CSTF3: variants seen among roughly 807,000 people sequenced by gnomAD.
CSTF3 encodes the protein CF-1 77 kDa subunit.
A neutral mutation model predicts 105.8 loss-of-function variants in CSTF3; 29 were observed. The observed-to-expected ratio is 0.27, with a 90% CI of 0.20 to 0.37. CSTF3 has a LOEUF of 0.37. Among genes scored for constraint, CSTF3 ranks in the 10% least tolerant of loss-of-function variants. CSTF3 has a pLI of 1.00. For missense variants in CSTF3, 357 were observed against 879.3 expected (o/e 0.41, Z 7.51); for synonymous variants, 252 against 281.9 (o/e 0.89, Z 1.06).
chr11:33,120,879 C>T (rs947726953), intron 3 of CSTF3, among the ~76,000 whole-genome samples: 1 of 151,826 alleles, frequency 6.6e-6, no homozygotes, highest in Non-Finnish European at 1.5e-5. Context: ...TCCTATAATC[C>T]TTGTTAAAAT....
intron 18 of CSTF3, among the ~76,000 whole-genome samples, chr11:33,086,344 T>C (rs1044372240): frequency 1.3e-5 from 2 of 152,222 alleles, no homozygotes; most frequent in African/African-American, 2.4e-5. Context: ...AAAAAGAATC[T>C]AGAGAGGCTA....
intron 15 of CSTF3, 60 bp downstream of exon 15, chr11:33,096,246 C>T: frequency 8.7e-7 from 1 of 1,155,864 alleles, no homozygotes; most frequent in Non-Finnish European, 1.2e-6. Flanking sequence ...AGAAATCTAG[C>T]AACATAATTC....
intron 1 of CSTF3, among the ~76,000 whole-genome samples, chr11:33,146,097 G>C (rs1020151714): frequency 6.6e-6 from 1 of 151,944 alleles, no homozygotes; most frequent in Non-Finnish European, 1.5e-5. Context: ...AATTAGCTGG[G>C]AGTGGTGGTG....
At chr11:33,124,847 A>T (rs1855527709) in intron 3 of CSTF3, among the ~76,000 whole-genome samples, 1 of 152,168 alleles carries the variant, frequency 6.6e-6, no homozygotes, top group Non-Finnish European at 1.5e-5. Context: ...AGTCAATTCC[A>T]CTGTCTTCTA....
At chr11:33,092,219 G>C in intron 16 of CSTF3, 52 bp downstream of exon 16, 1 of 1,290,038 alleles carries the variant, frequency 7.8e-7, no homozygotes, top group African/African-American at 1.5e-5. Flanking sequence ...CCACAATTCA[G>C]GTAAGAAAGC....
At chr11:33,142,943 T>C (rs1273910522) in intron 1 of CSTF3, among the ~76,000 whole-genome samples, 1 of 152,146 alleles carries the variant, frequency 6.6e-6, no homozygotes, top group Admixed American at 6.5e-5. Flanking sequence ...GGGCAAATAA[T>C]GTCTTAGATT....
intron 5 of CSTF3, 128 bp from the exon 6 acceptor site, chr11:33,106,192 T>C (rs1388002657): frequency 3.1e-6 from 2 of 652,576 alleles, no homozygotes; most frequent in African/African-American, 3.7e-5. Context: ...GAAGGATCAC[T>C]TGAGACCAGG....
intron 18 of CSTF3, among the ~76,000 whole-genome samples, chr11:33,086,623 A>AGAC (rs1491577756): frequency 6.6e-6 from 1 of 152,136 alleles, no homozygotes; most frequent in East Asian, 1.9e-4. Context: ...TTTTTAATAA[A>AGAC]GACAAAGTTT....
In CSTF3 at chr11:33,105,873, A is replaced by G. The variant is rs1242887844; in HGVS notation, c.458+10T>C. 1.3e-6 allele frequency: 2 copies of G among 1,558,850 alleles called. No homozygotes were observed. The highest frequency in any genetic ancestry group is 1.7e-6 in the Non-Finnish European group (2 of 1,151,192). On this transcript the variant is annotated intron_variant, in intron 7 of 20. Transcript: ENST00000323959. ...CTGTAGATGTAAAAAAAAACTATAC[A>G]AATACTTACACGCCTTTTAGGAAAT...
At chr11:33,160,202 G>C (rs1241190528) in intron 1 of CSTF3, among the ~76,000 whole-genome samples, 1 of 151,950 alleles carries the variant, frequency 6.6e-6, no homozygotes, top group Non-Finnish European at 1.5e-5. Flanking sequence ...ATAGTGCGAA[G>C]ATTTCTGGAC....
At chr11:33,148,319 A>G (rs1297758176) in intron 1 of CSTF3, among the ~76,000 whole-genome samples, 1 of 152,200 alleles carries the variant, frequency 6.6e-6, no homozygotes, top group Admixed American at 6.5e-5. Flanking sequence ...TCAATCAACT[A>G]AACCTGAATC....
chr11:33,143,978 T>A (rs1308761568), intron 1 of CSTF3, among the ~76,000 whole-genome samples: 1 of 152,024 alleles, frequency 6.6e-6, no homozygotes, highest in Non-Finnish European at 1.5e-5. Flanking sequence ...TGACAGAGAC[T>A]ACGTCTCAAA....
intron 3 of CSTF3, among the ~76,000 whole-genome samples, chr11:33,131,095 T>G (rs1490120414): frequency 6.6e-6 from 1 of 152,242 alleles, no homozygotes; most frequent in South Asian, 2.1e-4. Flanking sequence ...GATTTGCCCC[T>G]TTTGTGTACA....
At chr11:33,143,626 T>C (rs999930991) in intron 1 of CSTF3, among the ~76,000 whole-genome samples, 1 of 152,128 alleles carries the variant, frequency 6.6e-6, no homozygotes. Flanking sequence ...GGTGTGTGCC[T>C]GTAATCCCTG....
chr11:33,110,133 C>G (rs1855365179), intron 3 of CSTF3, among the ~76,000 whole-genome samples: 1 of 152,186 alleles, frequency 6.6e-6, no homozygotes, highest in Non-Finnish European at 1.5e-5. Context: ...ATATTCCTTT[C>G]TGGTTGGTGG....
intron 3 of CSTF3, among the ~76,000 whole-genome samples, chr11:33,138,088 T>C (rs757886266): frequency 1.3e-5 from 2 of 151,842 alleles, no homozygotes; most frequent in African/African-American, 2.4e-5. Flanking sequence ...AGAATTCATC[T>C]TTTGTAAAAA....
rs370620754 is a variant in CSTF3 at position 33,129,022 on chromosome 11, G to A, written c.225+12645C>T. ...CATTTACACAACAGATACTGGAAAA[G>A]TTAATAAATTTTAGAAGCAATTTAG... On this transcript the variant is annotated intron_variant, in intron 3 of 20. Transcript: ENST00000323959. Among the ~76,000 whole-genome samples the A allele has an allele frequency of 9.9e-5, 15 of 152,260 alleles. No individual in the cohort carries two copies. The East Asian group carries it at 2.7e-3, about 27-fold the overall frequency.
At chr11:33,092,625 A>G (rs1023649414) in intron 15 of CSTF3, among the ~76,000 whole-genome samples, 1 of 152,202 alleles carries the variant, frequency 6.6e-6, no homozygotes, top group Non-Finnish European at 1.5e-5. Flanking sequence ...AAAACCATTT[A>G]TAACAGTGCC....
chr11:33,141,993 A>G lies in CSTF3; in HGVS notation c.28-7T>C, dbSNP rs755811296. ...CTGGGACATACTCAGCTGCCTGGGG[A>G]AAAAAAACAACAGTGAACTAAAGTT... On this transcript the variant is annotated splice_region_variant and splice_polypyrimidine_tract_variant and intron_variant, in intron 1 of 20. Transcript: ENST00000323959. The G allele has an allele frequency of 1.9e-5, 30 of 1,612,608 alleles. No homozygotes were observed. The highest frequency in any genetic ancestry group is 2.4e-5 in the Non-Finnish European group (28 of 1,179,406).
Sources: allele counts gnomAD v4.1 joint callset (sites outside exome capture counted in the v4.1 genomes callset), GRCh38; gene constraint gnomAD v4.1.1; transcripts MANE v1.5; gene names NCBI Gene and HGNC (gene_info 2026-07-23, HGNC 2026-07-21).